The following RIMS2 variants were observed in gnomAD, a reference collection of about 807,000 sequenced individuals.
RIMS2 encodes regulating synaptic membrane exocytosis protein 2.
RIMS2 carries 59 observed loss-of-function variants against 174.4 expected under a neutral mutation model. That is an observed-to-expected ratio of 0.34 (90% CI 0.27 to 0.42). The LOEUF (loss-of-function observed/expected upper bound fraction) is 0.42. RIMS2 is among the 10% of genes least tolerant of loss of function. The pLI is 1.00. For synonymous variants in RIMS2, 606 were observed against 572.5 expected, an observed-to-expected ratio of 1.06 and a Z score of -0.84; for missense variants, 1,620 against 1,666.3, an observed-to-expected ratio of 0.97 and a Z score of 0.48.
intron 3 of RIMS2, among the ~76,000 whole-genome samples, chr8:103,769,266 T>C (rs1387664251): frequency 6.6e-6 from 1 of 152,208 alleles, no homozygotes; most frequent in African/African-American, 2.4e-5. Flanking sequence ...AATAAATTTA[T>C]GAGTAATTAA....
At chr8:103,822,123 T>C (rs1458771256) in intron 3 of RIMS2, among the ~76,000 whole-genome samples, 1 of 151,720 alleles carries the variant, frequency 6.6e-6, no homozygotes, top group Non-Finnish European at 1.5e-5. Context: ...TATTTTATTC[T>C]GAATTGCTTT....
chr8:103,946,108 A>G (rs56386117), intron 14 of RIMS2, among the ~76,000 whole-genome samples: 19,319 of 152,212 alleles, frequency 0.13, 1,693 homozygotes, highest in Non-Finnish European at 0.19. Context: ...CACAAAAACT[A>G]CTAGAACTAA....
At chr8:104,077,102 G>A (rs1377239489) in intron 19 of RIMS2, among the ~76,000 whole-genome samples, 2 of 152,172 alleles carry the variant, frequency 1.3e-5, no homozygotes, top group Non-Finnish European at 2.9e-5. Context: ...TTACAGGCAT[G>A]AGCCACCACA....
At chr8:103,720,922 G>C (rs2097438308) in intron 2 of RIMS2, among the ~76,000 whole-genome samples, 1 of 152,114 alleles carries the variant, frequency 6.6e-6, no homozygotes, top group South Asian at 2.1e-4. Flanking sequence ...AATGAACTTA[G>C]AAAATCTGAT....
At chr8:104,035,674 A>G (rs148345812) in intron 19 of RIMS2, among the ~76,000 whole-genome samples, 1,602 of 152,102 alleles carry the variant, frequency 0.011, 32 homozygotes, top group African/African-American at 0.037. Flanking sequence ...TTGAATGTTT[A>G]AGATTTTTTG....
At chr8:103,815,344 G>A (rs544330500) in intron 3 of RIMS2, among the ~76,000 whole-genome samples, 1 of 152,100 alleles carries the variant, frequency 6.6e-6, no homozygotes, top group African/African-American at 2.4e-5. Context: ...GCATTCTTTT[G>A]ATTACTTTTA....
chr8:103,516,092 G>A (rs1296677439), intron 1 of RIMS2, among the ~76,000 whole-genome samples: 1 of 151,972 alleles, frequency 6.6e-6, no homozygotes, highest in Non-Finnish European at 1.5e-5. Context: ...GCAGTTGGCA[G>A]TTTCTATGTA....
intron 19 of RIMS2, 66 bp downstream of exon 25, chr8:104,148,914 T>C: frequency 6.7e-7 from 1 of 1,494,734 alleles, no homozygotes; most frequent in Non-Finnish European, 9.1e-7. Flanking sequence ...ATTTCTTTTC[T>C]CTTACTCATT....
intron 4 of RIMS2, among the ~76,000 whole-genome samples, chr8:103,901,370 C>T (rs1376158485): frequency 6.6e-6 from 1 of 152,034 alleles, no homozygotes; most frequent in Non-Finnish European, 1.5e-5. Context: ...CTCAGGTTTC[C>T]CTACTTTCAG....
At chr8:104,221,706 T>C (rs1257010690) in intron 19 of RIMS2, among the ~76,000 whole-genome samples, 1 of 152,130 alleles carries the variant, frequency 6.6e-6, no homozygotes, top group Non-Finnish European at 1.5e-5. Flanking sequence ...ACAGCTAAAG[T>C]TGTTACTTTT....
intron 4 of RIMS2, among the ~76,000 whole-genome samples, chr8:103,907,062 ATTAG>A (rs1345717687): frequency 6.6e-6 from 1 of 152,236 alleles, no homozygotes; most frequent in African/African-American, 2.4e-5. Flanking sequence ...TCTTTTATAA[ATTAG>A]TTTCTTAAAA....
intron 14 of RIMS2, among the ~76,000 whole-genome samples, chr8:103,947,958 G>A (rs1317982492): frequency 1.3e-5 from 2 of 152,074 alleles, no homozygotes; most frequent in Non-Finnish European, 2.9e-5. Flanking sequence ...CAGAGGACTT[G>A]CATCCATGAT....
chr8:103,965,493 C>T (rs976083084), intron 15 of RIMS2, among the ~76,000 whole-genome samples: 14 of 152,040 alleles, frequency 9.2e-5, no homozygotes, highest in African/African-American at 3.4e-4. Flanking sequence ...ACCTTATATC[C>T]TACAACATTT....
At chr8:103,881,270 G>T (rs970477811) in intron 3 of RIMS2, among the ~76,000 whole-genome samples, 1 of 151,444 alleles carries the variant, frequency 6.6e-6, no homozygotes, top group African/African-American at 2.4e-5. Flanking sequence ...ATATTACAGT[G>T]TAGGTTTCCA....
chr8:103,876,416 C>T (rs2099137176), intron 3 of RIMS2, among the ~76,000 whole-genome samples: 1 of 151,470 alleles, frequency 6.6e-6, no homozygotes, highest in Non-Finnish European at 1.5e-5. Flanking sequence ...TTAAAAAACA[C>T]CTTATGAAGA....
rs1190408497 is a variant in RIMS2 at position 104,104,038 on chromosome 8, C to A, written c.3334+89423C>A. Among the ~76,000 whole-genome samples the A allele has an allele frequency of 2.6e-5, 4 of 151,926 alleles. No individual in the cohort carries two copies. The South Asian group carries it at 6.2e-4, about 24-fold the overall frequency. The stretch of plus-strand genomic sequence containing the variant: ...CTGAAGATGGAGGAGGAGATGGGAT[C>A]AGAAACATAGCTGGATAAACTGGCT... On this transcript the variant is annotated intron_variant, in intron 19 of 23. Transcript: ENST00000504942.
rs571420022 is a variant in RIMS2, at chr8:103,634,844, CT to C, written c.177-62233del. Among the ~76,000 whole-genome samples the C allele has an allele frequency of 6.2e-3, 936 of 151,308 alleles. 11 individuals are homozygous for C. Among genetic ancestry groups the C allele is most frequent in the African/African-American group, 0.021 (886 of 41,222 alleles). ...TCTGAAATGAGGATTGTCAACCCTG[CT>C]TTTTTTTTCTGTTTTTCATTTGCTT... On this transcript the variant is annotated intron_variant, in intron 1 of 23. Transcript: ENST00000504942.
chr8:103,639,213 C>T (rs2096167649), intron 1 of RIMS2, among the ~76,000 whole-genome samples: 1 of 152,010 alleles, frequency 6.6e-6, no homozygotes, highest in East Asian at 1.9e-4. Flanking sequence ...TAGGACACCT[C>T]CTTTATTCCT....
At chr8:103,714,589 G>A (rs1250185514) in intron 2 of RIMS2, among the ~76,000 whole-genome samples, 1 of 152,116 alleles carries the variant, frequency 6.6e-6, no homozygotes, top group African/African-American at 2.4e-5. Flanking sequence ...ATTAACATTA[G>A]TTTCCTAGGA....
Sources: gnomAD v4.1 joint callset for allele counts (sites outside exome capture counted in the v4.1 genomes callset) on GRCh38, gnomAD v4.1.1 for gene constraint, MANE v1.5 for transcripts, NCBI Gene and HGNC (gene_info 2026-07-23, HGNC 2026-07-21) for gene names.